Variants in SLC2A11 observed in about 807,000 individuals in gnomAD.
SLC2A11 encodes solute carrier family 2 member 11.
A neutral mutation model predicts 52.1 loss-of-function variants in SLC2A11; 43 were observed. That is an observed-to-expected ratio of 0.82 (90% confidence interval 0.65 to 1.06). The LOEUF (loss-of-function observed/expected upper bound fraction) is 1.06. Ranked by LOEUF, SLC2A11 falls within the 50% of genes least tolerant of loss-of-function variation. SLC2A11 has a pLI of 0.00. For synonymous variants in SLC2A11, 261 were observed against 277.6 expected, an observed-to-expected ratio of 0.94 and a Z score of 0.59; for missense variants, 582 against 654.2, an observed-to-expected ratio of 0.89 and a Z score of 1.20.
Position 23,875,181 on chromosome 22 carries a change from C to T in SLC2A11, c.355C>T (p.Arg119Cys), listed in dbSNP as rs138317708. The T allele has an allele frequency of 7.7e-4, 1,218 of 1,590,504 alleles. 5 individuals are homozygous for T. The highest frequency in any genetic ancestry group is 6.5e-3 in the East Asian group (285 of 43,790). ...VSAAILFGFS[R>C]KAGSFEMIML... is the part of the protein sequence containing the mutation. The stretch of plus-strand genomic sequence containing the variant: ...AGCAGCAATCCTGTTTGGATTCAGC[C>T]GCAAAGCAGGCTCCTTTGAGATGAT... Residue 119 changes from arginine to cysteine, a missense_variant, in exon 4 of 12, where the codon CGC becomes TGC. By Grantham distance (180) the Arg-to-Cys change is radical. Coordinates refer to ENST00000316185, the MANE Select transcript of SLC2A11 (RefSeq NM_001024939.4).
rs11912846 is a variant in SLC2A11, at chr22:23,870,037, A to G, written c.290+1396A>G. ...ACCTCTAAATACCGTTGCATTGGAA[A>G]TTAAATTTCAACCTGAATTTTGGAA... On this transcript the variant is annotated intron_variant, in intron 3 of 11. Coordinates refer to ENST00000316185, the MANE Select transcript of SLC2A11 (RefSeq NM_001024939.4). 4,077 of 717,564 alleles carry G rather than the reference A, an allele frequency of 5.7e-3. 112 individuals carry two copies. In the African/African-American group the frequency reaches 0.062, roughly 11 times the overall value. The allele number at this position is 717,564 out of a possible 1,614,324, so 44.4% of individuals were successfully genotyped here. A position where few individuals can be genotyped will look rare whatever the true frequency, so the allele number is the denominator to read the frequency against.
intron 2 of SLC2A11, among the ~76,000 whole-genome samples, chr22:23,863,608 GT>G (rs71184923): frequency 5.4e-3 from 470 of 86,790 alleles, no homozygotes; most frequent in African/African-American, 0.019. Flanking sequence ...TCTCTCTCTG[GT>G]TTTTTTTTTT....
In SLC2A11 at chr22:23,868,587, T is replaced by TC. The variant is rs1331355210; in HGVS notation, c.236_237insC (p.Gly81ArgfsTer25). ...TCCCTCATCGTGTCTCTGTATCCCC[T>TC]GGGAGGCCTCTTTGGAGCACTGCTT... On this transcript the variant is annotated frameshift_variant, in exon 3 of 12. Coordinates refer to ENST00000316185, the MANE Select transcript of SLC2A11 (RefSeq NM_001024939.4). LOFTEE classifies it high-confidence loss of function. 6.2e-7 allele frequency: 1 copy of TC among 1,614,224 alleles called. No homozygotes were observed. The highest frequency in any genetic ancestry group is 2.2e-5 in the East Asian group (1 of 44,884).
chr22:23,874,431 C>T (rs889158558), intron 3 of SLC2A11, among the ~76,000 whole-genome samples: 3 of 151,162 alleles, frequency 2.0e-5, no homozygotes, highest in Admixed American at 6.6e-5. Context: ...AAATTACAGG[C>T]GTGCGCCATC....
rs529467788 is a variant in SLC2A11 at position 23,859,006 on chromosome 22, A to G, written c.30+977A>G. On this transcript the variant is annotated intron_variant, in intron 1 of 11. Coordinates refer to ENST00000316185, the MANE Select transcript of SLC2A11 (RefSeq NM_001024939.4). The stretch of plus-strand genomic sequence containing the variant: ...CGTAGCTAATGTCTGAATGCTTACC[A>G]TGACCAGGCACGGTATAGGCAATCT... 6.6e-5 allele frequency among the ~76,000 whole-genome samples: 10 copies of G among 152,362 alleles called. No homozygotes were observed. In the South Asian group the frequency reaches 2.1e-3, roughly 32 times the overall value.
At chr22:23,858,567 T>C (rs1429086309) in intron 1 of SLC2A11, among the ~76,000 whole-genome samples, 2 of 152,188 alleles carry the variant, frequency 1.3e-5, no homozygotes, top group African/African-American at 2.4e-5. Context: ...TTTGCACTTG[T>C]ATTCCTTGAC....
Position 23,861,800 on chromosome 22 carries a change from G to C in SLC2A11, c.31-304G>C, listed in dbSNP as rs552471719. 1.2e-4 allele frequency among the ~76,000 whole-genome samples: 18 copies of C among 152,316 alleles called. No homozygotes were observed. In the South Asian group the frequency reaches 3.7e-3, roughly 32 times the overall value. ...ACTGTCTTCCCCAAACACAGCAGACGTGCTCAGGGGCAGCCCAACAAGGAG... is the reference window on the plus strand; with the variant it reads ...ACTGTCTTCCCCAAACACAGCAGACCTGCTCAGGGGCAGCCCAACAAGGAG... On this transcript the variant is annotated intron_variant, in intron 1 of 11. Coordinates refer to ENST00000316185, the MANE Select transcript of SLC2A11 (RefSeq NM_001024939.4).
At position 23,884,702 on chromosome 22, in the gene SLC2A11, G is replaced by A; in HGVS notation, c.1353G>A (p.Gly451=). 1 of 1,613,100 alleles carries A rather than the reference G, an allele frequency of 6.2e-7. No individual in the cohort carries two copies. The highest frequency in any genetic ancestry group is 8.5e-7 in the Non-Finnish European group (1 of 1,179,636). ...YVPFLGVCVC[G]AIYTGLFLPE... ...CTTTCCTTGGTGTCTGTGTCTGTGG[G>A]GCCATCTACACTGGCCTGTTCCTTC... is the stretch of plus-strand genomic sequence containing the variant. Residue 451 remains glycine (G), a synonymous_variant, in exon 12 of 12, where the codon GGG becomes GGA. Coordinates refer to ENST00000316185, the MANE Select transcript of SLC2A11 (RefSeq NM_001024939.4). This position sits in a 1 kb window ranked among gnomAD's most constrained non-coding sequence, Gnocchi z 4.3.
At chr22:23,857,400 G>C (rs564058579), upstream of SLC2A11, 1 of 1,588,136 alleles carries the variant, frequency 6.3e-7, no homozygotes, top group African/African-American at 1.3e-5. Context: ...CCTTGGACCA[G>C]AGCTCCCTTC....
chr22:23,860,505 C>T (rs566555638), intron 1 of SLC2A11, among the ~76,000 whole-genome samples: 27 of 152,168 alleles, frequency 1.8e-4, no homozygotes, highest in African/African-American at 5.5e-4. Context: ...TGCGGTGGCT[C>T]ACGTCTGTAA....
Position 23,884,257 on chromosome 22 carries a change from A to G in SLC2A11, c.1172-45A>G. On this transcript the variant is annotated intron_variant, in intron 10 of 11. Coordinates refer to ENST00000316185, the MANE Select transcript of SLC2A11 (RefSeq NM_001024939.4). The surrounding 1 kb of genome is among the most constrained non-coding windows in gnomAD (Gnocchi z 4.3). ...GGGCTGGGGTCGGGGAGAGGCAGGC[A>G]GGGAACCCTGGCCAGCAGCCCCCTG... 2 of 1,587,548 alleles carry G rather than the reference A, an allele frequency of 1.3e-6. No individual in the cohort carries two copies. Among genetic ancestry groups the G allele is most frequent in the Non-Finnish European group, 1.7e-6 (2 of 1,165,742 alleles).
intron 4 of SLC2A11, 129 bp downstream of exon 4, chr22:23,875,370 C>A: frequency 9.2e-7 from 1 of 1,092,402 alleles, no homozygotes; most frequent in Non-Finnish European, 1.2e-6. Flanking sequence ...TTTATGCCTA[C>A]CTTTGTCACA....
chr22:23,865,204 G>A (rs1250173456), intron 2 of SLC2A11: 1 of 151,872 alleles, frequency 6.6e-6, no homozygotes, highest in Non-Finnish European at 1.5e-5. Flanking sequence ...ATCCCCTGAG[G>A]TCGGGAGTTC....
Position 23,884,926 on chromosome 22 carries a change from C to G in SLC2A11, c.*77C>G. ...CCTGCCAGGGCCCTGGTCCTCACTC[C>G]CTCCTGCATTCCTCATTTAAGGAGT... On this transcript the variant is annotated 3_prime_UTR_variant, in exon 12 of 12. Transcript: ENST00000316185. This position sits in a 1 kb window ranked among gnomAD's most constrained non-coding sequence, Gnocchi z 4.3. 1 of 1,221,848 alleles carries G rather than the reference C, an allele frequency of 8.2e-7. No individual in the cohort carries two copies. Among genetic ancestry groups the G allele is most frequent in the Admixed American group, 2.1e-5 (1 of 48,128 alleles). 75.7% of individuals were successfully genotyped at this position (1,221,848 alleles called of 1,614,324 possible).
At chr22:23,879,397 T>C (rs1447931962) in intron 6 of SLC2A11, 1 of 150,562 alleles carries the variant, frequency 6.6e-6, no homozygotes, top group Non-Finnish European at 1.5e-5. Context: ...CTGGGACTAC[T>C]GGCCCGTGCC....
intron 6 of SLC2A11, chr22:23,879,343 C>T (rs1362547272): frequency 1.3e-5 from 2 of 152,250 alleles, no homozygotes; most frequent in Admixed American, 1.3e-4. Flanking sequence ...GCAACCTCCA[C>T]CTCCCAGGCC....
intron 1 of SLC2A11, among the ~76,000 whole-genome samples, chr22:23,859,416 G>C (rs1464370414): frequency 6.6e-6 from 1 of 152,184 alleles, no homozygotes; most frequent in East Asian, 1.9e-4. Flanking sequence ...CTCACTGAAT[G>C]GTGAAAGCAC....
At chr22:23,871,408 CA>C (rs530149356) in intron 3 of SLC2A11, 827 of 76,572 alleles carry the variant, frequency 0.011, 3 homozygotes, top group African/African-American at 0.028. Flanking sequence ...GACTCCATCT[CA>C]AAAAAAAAAA....
rs2032923954 is a variant in SLC2A11, at chr22:23,884,213, G to A, written c.1172-89G>A. 1 of 1,520,110 alleles carries A rather than the reference G, an allele frequency of 6.6e-7. No homozygotes were observed. Among genetic ancestry groups the A allele is most frequent in the Non-Finnish European group, 8.8e-7 (1 of 1,134,238 alleles). 94.2% of individuals were successfully genotyped at this position (1,520,110 alleles called of 1,614,324 possible). A position where few individuals can be genotyped will look rare whatever the true frequency, so the allele number is the denominator to read the frequency against. ...GGGCCCCCCATACAGACTGGGCCTG[G>A]GCTCCCACTCCCATGTCTGGGCTGG... On this transcript the variant is annotated intron_variant, in intron 10 of 11. Transcript: ENST00000316185. The surrounding 1 kb of genome is among the most constrained non-coding windows in gnomAD (Gnocchi z 4.3).
Sources: gnomAD v4.1 joint callset for allele counts (sites outside exome capture counted in the v4.1 genomes callset) on GRCh38, gnomAD v4.1.1 for gene constraint, Gnocchi (gnomAD v3.1) non-coding constraint, MANE v1.5 for transcripts, NCBI Gene and HGNC (gene_info 2026-07-23, HGNC 2026-07-21) for gene names.